DPH6: variants seen among roughly 807,000 people sequenced by gnomAD.
DPH6 encodes diphthamine biosynthesis 6.
A neutral mutation model predicts 38.2 loss-of-function variants in DPH6; 33 were observed. The observed-to-expected ratio is 0.86, with a 90% confidence interval of 0.65 to 1.15. The LOEUF (loss-of-function observed/expected upper bound fraction) is 1.15. Ranked by LOEUF, DPH6 falls within the 50% of genes most tolerant of loss-of-function variation. The pLI is 0.00. For synonymous variants in DPH6, 108 were observed against 103.0 expected (o/e 1.05, Z -0.30); for missense variants, 325 against 320.0 (o/e 1.02, Z -0.12).
At chr15:35,312,061 T>C (rs374180631) in intron 3 of DPH6, among the ~76,000 whole-genome samples, 83 of 151,096 alleles carry the variant, frequency 5.5e-4, no homozygotes, top group Non-Finnish European at 1.0e-3. Context: ...CAAACTTTAC[T>C]TGGGTACCAG....
At chr15:35,241,633 C>T (rs143928288) in intron 3 of DPH6, among the ~76,000 whole-genome samples, 5,575 of 141,966 alleles carry the variant, frequency 0.039, 845 homozygotes, top group African/African-American at 0.13. Flanking sequence ...GCCTCCTTTG[C>T]GTCCTCCTCT....
chr15:35,146,432 C>G, the DPH6 span, among the ~76,000 whole-genome samples: 13 of 152,114 alleles, frequency 8.5e-5, no homozygotes, highest in Non-Finnish European at 2.9e-5. Flanking sequence ...TCCTCCTGTT[C>G]TCTCCTTCTT....
chr15:35,494,271 C>A (rs1237408771), intron 3 of DPH6, among the ~76,000 whole-genome samples: 1 of 152,142 alleles, frequency 6.6e-6, no homozygotes, highest in Non-Finnish European at 1.5e-5. Context: ...TCATCTGAGA[C>A]ATACTTTCTA....
rs1410588387 is a variant in DPH6 at position 35,234,325 on chromosome 15, A to AGGT, written n.201-13746_201-13744dup. 3.9e-5 allele frequency among the ~76,000 whole-genome samples: 6 copies of AGGT among 152,268 alleles called. No individual in the cohort carries two copies. In the East Asian group the frequency reaches 9.6e-4, roughly 24 times the overall value. On this transcript the variant is annotated intron_variant and non_coding_transcript_variant, in intron 3 of 3. Transcript: ENST00000560386. Reference sequence around the variant, plus strand: ...GTTTGTGTGCAGGTGTGGGGTGATAAGGTGGTGGTGGTGGTATATCCCATG... The same window carrying AGGT: ...GTTTGTGTGCAGGTGTGGGGTGATAAGGTGGTGGTGGTGGTGGTATATCCCATG...
chr15:35,390,532 T>C (rs1321834213), intron 6 of DPH6, among the ~76,000 whole-genome samples: 2 of 152,218 alleles, frequency 1.3e-5, no homozygotes, highest in Non-Finnish European at 2.9e-5. Context: ...TTGGAGGCTT[T>C]GTTCATTTCT....
chr15:35,532,310 T>C (rs1281457128), intron 3 of DPH6, among the ~76,000 whole-genome samples: 2 of 152,176 alleles, frequency 1.3e-5, no homozygotes, highest in African/African-American at 4.8e-5. Context: ...AACAACTTGG[T>C]AGACGAGGTG....
chr15:35,314,971 T>TG (rs1301425698), intron 3 of DPH6, among the ~76,000 whole-genome samples: 1 of 152,102 alleles, frequency 6.6e-6, no homozygotes, highest in Non-Finnish European at 1.5e-5. Context: ...CATTGTTTGG[T>TG]GGTCTGCTGC....
chr15:35,159,227 T>G, the DPH6 span, among the ~76,000 whole-genome samples: 1 of 152,108 alleles, frequency 6.6e-6, no homozygotes, highest in Non-Finnish European at 1.5e-5. Flanking sequence ...CTCCATGTAC[T>G]CTGCGTTTTC....
intron 3 of DPH6, chr15:35,237,692 T>C: frequency 6.2e-7 from 1 of 1,613,492 alleles, no homozygotes; most frequent in Non-Finnish European, 8.5e-7. Context: ...CCTTTTCAAT[T>C]GCGAGGTAAC....
intron 3 of DPH6, chr15:35,237,616 C>T (rs1298685652): frequency 1.2e-6 from 2 of 1,607,774 alleles, no homozygotes; most frequent in East Asian, 2.2e-5. Flanking sequence ...ATTTATGTGG[C>T]AACAAAATTA....
chr15:35,210,340 T>C, the DPH6 span, among the ~76,000 whole-genome samples: 36 of 152,320 alleles, frequency 2.4e-4, 1 homozygote, highest in South Asian at 4.6e-3. Flanking sequence ...ATATAGAGTT[T>C]AGAGCCAGAG....
At chr15:35,248,461 G>A (rs2051650317) in intron 3 of DPH6, among the ~76,000 whole-genome samples, 1 of 152,172 alleles carries the variant, frequency 6.6e-6, no homozygotes, top group African/African-American at 2.4e-5. Flanking sequence ...AGAAGAATCT[G>A]AACACACAGG....
chr15:35,253,417 C>T (rs183409360), intron 3 of DPH6, among the ~76,000 whole-genome samples: 3 of 152,270 alleles, frequency 2.0e-5, no homozygotes, highest in Non-Finnish European at 4.4e-5. Context: ...TGCAAATGAA[C>T]TCACAACCTT....
chr15:35,351,690 C>T (rs1027717368), intron 3 of DPH6, among the ~76,000 whole-genome samples: 8 of 151,708 alleles, frequency 5.3e-5, no homozygotes, highest in African/African-American at 1.9e-4. Context: ...TCCTCCCCAA[C>T]ACACATTTTA....
rs552434308 is a variant in DPH6 at position 35,237,299 on chromosome 15, C to G, written n.201-16717G>C. On this transcript the variant is annotated intron_variant and non_coding_transcript_variant, in intron 3 of 3. Transcript: ENST00000560386. ...TGTTATTGATTGAATTCCAGCGGCG[C>G]GGGAGCCTCTGCAGAGAACGCGAGA... The G allele has an allele frequency of 7.9e-5, 124 of 1,562,364 alleles. No individual in the cohort carries two copies. The African/African-American group carries it at 1.4e-3, about 17-fold the overall frequency.
intron 3 of DPH6, among the ~76,000 whole-genome samples, chr15:35,356,102 C>A (rs912762529): frequency 6.6e-6 from 1 of 152,186 alleles, no homozygotes; most frequent in African/African-American, 2.4e-5. Flanking sequence ...GTATTCGTCA[C>A]ATAGTTCTCG....
the DPH6 span, among the ~76,000 whole-genome samples, chr15:35,177,580 CAA>C: frequency 2.3e-4 from 14 of 60,220 alleles, no homozygotes; most frequent in Admixed American, 1.9e-4. Flanking sequence ...ATCCCATCTC[CAA>C]AAAAAAAAAA....
intron 3 of DPH6, among the ~76,000 whole-genome samples, chr15:35,267,022 G>A (rs2051787908): frequency 6.6e-6 from 1 of 152,174 alleles, no homozygotes; most frequent in Non-Finnish European, 1.5e-5. Context: ...AGAGTTCAAT[G>A]AGGAGGCCAG....
Position 35,522,554 on chromosome 15 carries a change from C to T in DPH6, c.312+15720G>A, listed in dbSNP as rs558138110. Among the ~76,000 whole-genome samples the T allele has an allele frequency of 2.6e-5, 4 of 152,040 alleles. No individual in the cohort carries two copies. In the South Asian group the frequency reaches 8.3e-4, roughly 32 times the overall value. ...CTCTCACATACAAGCTTTCAAGAAC[C>T]AACCCTGAAAGAAAAACAGGCTCCT... is the stretch of plus-strand genomic sequence containing the variant. On this transcript the variant is annotated intron_variant, in intron 3 of 8. Transcript: ENST00000256538.
Sources: gnomAD v4.1 joint callset for allele counts (sites outside exome capture counted in the v4.1 genomes callset) on GRCh38, gnomAD v4.1.1 for gene constraint, MANE v1.5 for transcripts, NCBI Gene and HGNC (gene_info 2026-07-23, HGNC 2026-07-21) for gene names.